Variants in CLEC16A observed in about 807,000 individuals in gnomAD.
CLEC16A encodes the protein protein CLEC16A.
A neutral mutation model predicts 109.5 loss-of-function variants in CLEC16A; 51 were observed. The ratio of observed to expected loss-of-function variants is 0.47; its 90% confidence interval spans 0.37 to 0.59. CLEC16A has a LOEUF of 0.59. CLEC16A is among the 20% of genes least tolerant of loss of function. The pLI is 0.00. For synonymous variants in CLEC16A, 673 were observed against 564.2 expected, an observed-to-expected ratio of 1.19 and a Z score of -2.73; for missense variants, 1,339 against 1,394.0, an observed-to-expected ratio of 0.96 and a Z score of 0.63.
Position 11,175,120 on chromosome 16 carries a change from C to T in CLEC16A, c.2807-3215C>T, listed in dbSNP as rs187537905. Among the ~76,000 whole-genome samples, 42 of 152,328 alleles carry T rather than the reference C, an allele frequency of 2.8e-4. No individual in the cohort carries two copies. The East Asian group carries it at 7.5e-3, about 27-fold the overall frequency. On this transcript the variant is annotated intron_variant, in intron 23 of 23. Transcript: ENST00000409790. ...ACACTCAGCCCCACCTTTTCCCAGC[C>T]CAGCACAACAAATCCAAGTTTTTGC...
intron 22 of CLEC16A, chr16:11,156,799 G>A (rs908469204): frequency 3.2e-5 from 19 of 591,858 alleles, no homozygotes; most frequent in East Asian, 6.8e-5. Flanking sequence ...GCACCACTGC[G>A]AGAGATTCCA....
chr16:10,966,296 G>T (rs1209120399), intron 3 of CLEC16A, among the ~76,000 whole-genome samples: 1 of 152,216 alleles, frequency 6.6e-6, no homozygotes, highest in African/African-American at 2.4e-5. Flanking sequence ...AGCGAAAGAG[G>T]CCAGACATAG....
At chr16:10,982,533 C>T (rs1400251157) in intron 9 of CLEC16A, among the ~76,000 whole-genome samples, 1 of 152,178 alleles carries the variant, frequency 6.6e-6, no homozygotes, top group Admixed American at 6.5e-5. Context: ...CACTAAAATG[C>T]CCATGGAAAG....
chr16:11,049,472 A>C (rs1020456567), intron 17 of CLEC16A, among the ~76,000 whole-genome samples: 2 of 127,552 alleles, frequency 1.6e-5, no homozygotes, highest in Non-Finnish European at 3.2e-5. Flanking sequence ...GGAGCTTCCC[A>C]GGTTTTTTTG....
At chr16:11,097,690 C>T (rs2050685128) in intron 19 of CLEC16A, among the ~76,000 whole-genome samples, 1 of 152,182 alleles carries the variant, frequency 6.6e-6, no homozygotes, top group Non-Finnish European at 1.5e-5. Context: ...AAAAATCCAG[C>T]AGCTTTTTGG....
chr16:10,963,664 C>G (rs1382629025), intron 3 of CLEC16A, among the ~76,000 whole-genome samples: 1 of 152,194 alleles, frequency 6.6e-6, no homozygotes, highest in Non-Finnish European at 1.5e-5. Context: ...GCCTCAGTTT[C>G]GTCATCCGTA....
intron 22 of CLEC16A, among the ~76,000 whole-genome samples, chr16:11,146,150 C>T (rs984999794): frequency 2.6e-5 from 4 of 152,176 alleles, no homozygotes; most frequent in African/African-American, 9.7e-5. Flanking sequence ...CTCAGAAGGT[C>T]TTGCCAGATA....
At chr16:10,965,153 C>T (rs2042440449) in intron 3 of CLEC16A, among the ~76,000 whole-genome samples, 1 of 152,182 alleles carries the variant, frequency 6.6e-6, no homozygotes, top group African/African-American at 2.4e-5. Flanking sequence ...CTTTTCTTGT[C>T]CTGGCACCGA....
chr16:11,150,820 C>G (rs1014460749), intron 22 of CLEC16A, among the ~76,000 whole-genome samples: 2 of 152,178 alleles, frequency 1.3e-5, no homozygotes, highest in Admixed American at 1.3e-4. Flanking sequence ...GAGGAGGACT[C>G]TGGTCCAGGC....
intron 19 of CLEC16A, among the ~76,000 whole-genome samples, chr16:11,086,934 G>T (rs996920313): frequency 6.6e-6 from 1 of 152,144 alleles, no homozygotes; most frequent in Non-Finnish European, 1.5e-5. Flanking sequence ...ATCCTCAGGG[G>T]GAGGCCCTCC....
intron 17 of CLEC16A, chr16:11,048,587 G>A (rs1461759643): frequency 6.6e-6 from 1 of 152,174 alleles, no homozygotes; most frequent in Non-Finnish European, 1.5e-5. Context: ...GGACAGCTGG[G>A]CCCTCACCAC....
chr16:11,128,250 A>C (rs1250072560), intron 22 of CLEC16A, among the ~76,000 whole-genome samples: 1 of 152,206 alleles, frequency 6.6e-6, no homozygotes, highest in Non-Finnish European at 1.5e-5. Context: ...CTACATGATC[A>C]TTTCTCTGTT....
chr16:10,947,106 G>A (rs572686313), intron 1 of CLEC16A, among the ~76,000 whole-genome samples: 5 of 152,320 alleles, frequency 3.3e-5, no homozygotes, highest in South Asian at 2.1e-4. Context: ...CATGTCTATC[G>A]GATGCTTCTT....
intron 22 of CLEC16A, among the ~76,000 whole-genome samples, chr16:11,141,233 A>G (rs535842563): frequency 6.6e-6 from 1 of 152,368 alleles, no homozygotes; most frequent in South Asian, 2.1e-4. Context: ...CCAGGCAGGT[A>G]GAGTTCTGAG....
chr16:11,173,000 G>T (rs1197039628), intron 23 of CLEC16A, among the ~76,000 whole-genome samples: 2 of 152,130 alleles, frequency 1.3e-5, no homozygotes, highest in Non-Finnish European at 2.9e-5. Flanking sequence ...ACGGCCCAGT[G>T]CAGGGAGCTT....
chr16:11,036,544 CTTTTTTTTTT>C (rs71404440), intron 13 of CLEC16A, among the ~76,000 whole-genome samples: 38 of 131,944 alleles, frequency 2.9e-4, no homozygotes, highest in Non-Finnish European at 4.1e-4. Context: ...TCTAATTTTC[CTTTTTTTTTT>C]TTTTTTTTTT....
intron 10 of CLEC16A, among the ~76,000 whole-genome samples, chr16:10,994,718 A>G (rs2044230190): frequency 6.6e-6 from 1 of 152,158 alleles, no homozygotes; most frequent in Non-Finnish European, 1.5e-5. Flanking sequence ...AAAAAAGTGA[A>G]AAGAGTCACA....
At chr16:11,113,457 G>A (rs940221849) in intron 19 of CLEC16A, among the ~76,000 whole-genome samples, 4 of 152,008 alleles carry the variant, frequency 2.6e-5, no homozygotes, top group South Asian at 2.1e-4. Flanking sequence ...CCAGCAGTTC[G>A]AGTCCAGCCT....
rs575572079 is a variant in CLEC16A at position 10,970,866 on chromosome 16, C to T, written c.493-259C>T. The stretch of plus-strand genomic sequence containing the variant: ...GGCTCAAGCCAACCTCCCACCTCAG[C>T]CTCTCCCAAGTAGCTGGTACTATGG... On this transcript the variant is annotated intron_variant, in intron 4 of 23. Coordinates refer to ENST00000409790, the MANE Select transcript of CLEC16A (RefSeq NM_015226.3). Among the ~76,000 whole-genome samples, 14 of 152,374 alleles carry T rather than the reference C, an allele frequency of 9.2e-5. No homozygotes were observed. In the East Asian group the frequency reaches 2.7e-3, roughly 29 times the overall value.
Sources: gnomAD v4.1 joint callset for allele counts (sites outside exome capture counted in the v4.1 genomes callset) on GRCh38, gnomAD v4.1.1 for gene constraint, MANE v1.5 for transcripts, NCBI Gene and HGNC (gene_info 2026-07-23, HGNC 2026-07-21) for gene names.